The following EYS variants were observed in gnomAD, a reference collection of about 807,000 sequenced individuals.
EYS encodes protein eyes shut homolog.
EYS carries 250 observed loss-of-function variants against 282.1 expected under a neutral mutation model. The ratio of observed to expected loss-of-function variants is 0.89; its 90% CI spans 0.80 to 0.98. The LOEUF (loss-of-function observed/expected upper bound fraction) is 0.98. Among genes scored for constraint, EYS ranks in the 50% least tolerant of loss-of-function variants. The probability of loss-of-function intolerance (pLI) is 0.00; values close to 1 mark genes in which losing one functional copy is unlikely to be tolerated. For missense variants in EYS, 4,016 were observed against 3,709.0 expected (o/e 1.08, Z -2.15); for synonymous variants, 1,355 against 1,282.9 (o/e 1.06, Z -1.20).
At chr6:64,365,499 G>A (rs1469348221) in intron 29 of EYS, among the ~76,000 whole-genome samples, 3 of 151,886 alleles carry the variant, frequency 2.0e-5, no homozygotes, top group Non-Finnish European at 4.4e-5. Context: ...GTAAGACAAC[G>A]TATAAGAGCA....
rs926016939 is a variant in EYS, at chr6:64,665,331, G to A, written c.3444-39086C>T. 2.0e-5 allele frequency among the ~76,000 whole-genome samples: 3 copies of A among 152,118 alleles called. No individual in the cohort carries two copies. In the South Asian group the frequency reaches 6.2e-4, roughly 31 times the overall value. On this transcript the variant is annotated intron_variant, in intron 22 of 42. Transcript: ENST00000503581. ...GATAAAAATAAAACATAATTTAATT[G>A]TTGTAAGTGCTTTGAGTAAGGGATT...
chr6:64,070,583 G>T (rs775047607), intron 32 of EYS, among the ~76,000 whole-genome samples: 6 of 151,946 alleles, frequency 3.9e-5, no homozygotes, highest in Non-Finnish European at 7.4e-5. Context: ...TACATTATCT[G>T]CTAGTCATTT....
intron 35 of EYS, among the ~76,000 whole-genome samples, chr6:63,952,903 C>T (rs2149767509): frequency 6.6e-6 from 1 of 152,172 alleles, no homozygotes; most frequent in South Asian, 2.1e-4. Context: ...GGATTAAAGC[C>T]CATTATCACT....
chr6:64,446,463 ATTATGAATAT>A (rs1775119738), intron 26 of EYS, among the ~76,000 whole-genome samples: 1 of 152,172 alleles, frequency 6.6e-6, no homozygotes, highest in South Asian at 2.1e-4. Flanking sequence ...TCTCAGATTA[ATTATGAATAT>A]TTACTCCAAC....
intron 21 of EYS, 114 bp downstream of exon 21, chr6:64,821,523 AGAGAACAG>A: frequency 1.9e-6 from 1 of 524,306 alleles, no homozygotes; most frequent in Non-Finnish European, 3.4e-6. Context: ...AGGAAAGATG[AGAGAACAG>A]TTAAATCATC....
intron 19 of EYS, among the ~76,000 whole-genome samples, chr6:64,826,597 G>C (rs1469900281): frequency 6.6e-6 from 1 of 150,614 alleles, no homozygotes; most frequent in African/African-American, 2.4e-5. Flanking sequence ...AAACTGATAG[G>C]TTTGATCAGC....
chr6:65,428,904 C>A (rs141468636), intron 5 of EYS, among the ~76,000 whole-genome samples: 1 of 152,020 alleles, frequency 6.6e-6, no homozygotes, highest in African/African-American at 2.4e-5. Flanking sequence ...TGTTCTGAGC[C>A]GGGCGTGGTG....
chr6:64,858,082 T>C (rs537321112), intron 19 of EYS, among the ~76,000 whole-genome samples: 1 of 152,160 alleles, frequency 6.6e-6, no homozygotes, highest in Admixed American at 6.5e-5. Flanking sequence ...TCCTTTGATA[T>C]GCAGAAATTT....
At chr6:65,288,724 T>C (rs1375540548) in intron 12 of EYS, among the ~76,000 whole-genome samples, 5 of 151,090 alleles carry the variant, frequency 3.3e-5, no homozygotes, top group Non-Finnish European at 5.9e-5. Flanking sequence ...TAATATTGGA[T>C]GTATAAAATG....
intron 2 of EYS, among the ~76,000 whole-genome samples, chr6:65,627,718 C>T (rs1011638755): frequency 3.3e-5 from 5 of 152,154 alleles, no homozygotes; most frequent in Admixed American, 1.3e-4. Flanking sequence ...ACTGGGTCCC[C>T]CAGCAGTGCC....
intron 30 of EYS, among the ~76,000 whole-genome samples, chr6:64,284,236 T>G (rs1768411136): frequency 6.6e-6 from 1 of 152,142 alleles, no homozygotes; most frequent in African/African-American, 2.4e-5. Flanking sequence ...ACTGGGTAAA[T>G]ACAGCCATTC....
At chr6:64,382,255 ACTCT>A (rs1273497781) in intron 29 of EYS, among the ~76,000 whole-genome samples, 3 of 151,318 alleles carry the variant, frequency 2.0e-5, no homozygotes, top group Admixed American at 2.0e-4. Context: ...CATTCTCTTC[ACTCT>A]CTCCTGAGGT....
At chr6:64,588,221 A>G (rs1174777948) in intron 26 of EYS, among the ~76,000 whole-genome samples, 2 of 152,100 alleles carry the variant, frequency 1.3e-5, no homozygotes, top group Non-Finnish European at 2.9e-5. Context: ...TTAAGAGCCT[A>G]GGTGAGGAAT....
intron 22 of EYS, among the ~76,000 whole-genome samples, chr6:64,691,623 C>T (rs779245810): frequency 1.1e-4 from 16 of 151,990 alleles, no homozygotes; most frequent in Non-Finnish European, 1.8e-4. Context: ...GCATAGTACC[C>T]TATAGGTCAT....
chr6:63,810,508 T>C (rs1356948203), intron 36 of EYS, among the ~76,000 whole-genome samples: 1 of 152,196 alleles, frequency 6.6e-6, no homozygotes, highest in Non-Finnish European at 1.5e-5. Flanking sequence ...AGCTACTCTA[T>C]GGCATAGTGA....
intron 29 of EYS, among the ~76,000 whole-genome samples, chr6:64,317,549 GA>G (rs935073641): frequency 5.3e-5 from 8 of 152,050 alleles, no homozygotes; most frequent in Non-Finnish European, 8.8e-5. Flanking sequence ...GAGAGGATGT[GA>G]AAAAATAGAA....
intron 31 of EYS, among the ~76,000 whole-genome samples, chr6:64,190,658 C>G (rs1408011687): frequency 6.6e-6 from 1 of 152,152 alleles, no homozygotes; most frequent in Non-Finnish European, 1.5e-5. Flanking sequence ...CCATTTGTGA[C>G]AGCGATGAGA....
chr6:64,020,875 A>T (rs1713582258), intron 33 of EYS, among the ~76,000 whole-genome samples: 1 of 152,200 alleles, frequency 6.6e-6, no homozygotes, highest in African/African-American at 2.4e-5. Flanking sequence ...AAAGATCTCA[A>T]TAGTGGTGCC....
At chr6:65,376,107 T>C (rs796913141) in intron 8 of EYS, among the ~76,000 whole-genome samples, 3 of 151,942 alleles carry the variant, frequency 2.0e-5, no homozygotes, top group African/African-American at 7.2e-5. Flanking sequence ...AAGGAAAAAA[T>C]GTTAAGGGCA....
Sources: allele counts gnomAD v4.1 joint callset (sites outside exome capture counted in the v4.1 genomes callset), GRCh38; gene constraint gnomAD v4.1.1; transcripts MANE v1.5; gene names NCBI Gene and HGNC (gene_info 2026-07-23, HGNC 2026-07-21).